Variants in CDH8 observed in about 807,000 individuals in gnomAD.
The protein encoded by CDH8 is cadherin 8, also known as cadherin-8.
In CDH8, 17 loss-of-function variants were observed where a neutral mutation model predicts 68.1. The observed-to-expected ratio is 0.25, with a 90% CI of 0.17 to 0.37. The LOEUF is 0.37. Among genes scored for constraint, CDH8 ranks in the 10% least tolerant of loss-of-function variants. The probability of loss-of-function intolerance (pLI) is 1.00; values close to 1 mark genes in which losing one functional copy is unlikely to be tolerated. For synonymous variants in CDH8, 372 were observed against 365.1 expected (o/e 1.02, Z -0.21); for missense variants, 763 against 999.3 (o/e 0.76, Z 3.19).
At chr16:61,762,085 G>A (rs570019517) in intron 8 of CDH8, among the ~76,000 whole-genome samples, 1 of 152,248 alleles carries the variant, frequency 6.6e-6, no homozygotes, top group South Asian at 2.1e-4. Context: ...GGGAGGTGAG[G>A]CTCCGGAGGT....
intron 10 of CDH8, among the ~76,000 whole-genome samples, chr16:61,669,371 G>C (rs1963745641): frequency 6.6e-6 from 1 of 151,974 alleles, no homozygotes; most frequent in Non-Finnish European, 1.5e-5. Flanking sequence ...CCAGCATGCC[G>C]CAATACAGTG....
In CDH8 at chr16:61,954,995, G is replaced by T. The variant is rs956678042; in HGVS notation, c.253-53522C>A. Reference sequence around the variant, plus strand: ...CAGTAACCTTCTAAAGTGGGTATTGGATCCACTTCACAGATGTAGAAATGA... The same window carrying T: ...CAGTAACCTTCTAAAGTGGGTATTGTATCCACTTCACAGATGTAGAAATGA... On this transcript the variant is annotated intron_variant, in intron 2 of 11. Transcript: ENST00000577390. Among the ~76,000 whole-genome samples, 7 of 152,258 alleles carry T rather than the reference G, an allele frequency of 4.6e-5. No individual in the cohort carries two copies. The South Asian group carries it at 1.5e-3, about 32-fold the overall frequency.
At chr16:61,781,633 T>C (rs747078381) in intron 8 of CDH8, among the ~76,000 whole-genome samples, 2 of 152,168 alleles carry the variant, frequency 1.3e-5, no homozygotes, top group African/African-American at 2.4e-5. Context: ...CTCTACTAGA[T>C]TGTTTTCAGT....
intron 3 of CDH8, among the ~76,000 whole-genome samples, chr16:61,879,387 A>G (rs1963526531): frequency 6.6e-6 from 1 of 152,234 alleles, no homozygotes; most frequent in South Asian, 2.1e-4. Flanking sequence ...CTGAAGACAC[A>G]TATCATGTAA....
intron 1 of CDH8, 78 bp from the exon 2 acceptor site, chr16:62,021,680 C>A: frequency 1.3e-6 from 1 of 768,278 alleles, no homozygotes; most frequent in Non-Finnish European, 1.8e-6. Context: ...TTCAAAAGCA[C>A]CTGAAGTGAA....
chr16:61,879,493 A>C (rs1471951547), intron 3 of CDH8, among the ~76,000 whole-genome samples: 1 of 152,180 alleles, frequency 6.6e-6, no homozygotes, highest in Admixed American at 6.5e-5. Context: ...CAAAATAGTC[A>C]TGTAAGACCC....
intron 1 of CDH8, among the ~76,000 whole-genome samples, chr16:62,032,467 C>G (rs1902350451): frequency 6.6e-6 from 1 of 152,114 alleles, no homozygotes; most frequent in African/African-American, 2.4e-5. Context: ...AATTAAAAAG[C>G]AAAGTTAGAC....
chr16:61,909,083 C>G (rs1053215397), intron 2 of CDH8, among the ~76,000 whole-genome samples: 3 of 151,982 alleles, frequency 2.0e-5, no homozygotes, highest in Admixed American at 2.0e-4. Flanking sequence ...CTGGAAATAA[C>G]CTCTGCTCTA....
chr16:61,880,028 C>T (rs1044538088), intron 3 of CDH8, among the ~76,000 whole-genome samples: 13 of 151,862 alleles, frequency 8.6e-5, no homozygotes, highest in Admixed American at 1.3e-4. Flanking sequence ...TGGGTTCAAG[C>T]GATTATCCTG....
At chr16:61,736,290 A>G (rs1219305125) in intron 8 of CDH8, among the ~76,000 whole-genome samples, 2 of 152,146 alleles carry the variant, frequency 1.3e-5, no homozygotes, top group African/African-American at 4.8e-5. Flanking sequence ...GATAAGGCCA[A>G]TGGTGATATT....
At chr16:61,790,290 C>A (rs1047810375) in intron 7 of CDH8, among the ~76,000 whole-genome samples, 1 of 151,904 alleles carries the variant, frequency 6.6e-6, no homozygotes, top group Non-Finnish European at 1.5e-5. Context: ...AGTATCAAGA[C>A]AAAGAAAAGA....
intron 1 of CDH8, among the ~76,000 whole-genome samples, chr16:62,026,393 T>G (rs1445538569): frequency 6.6e-6 from 1 of 152,212 alleles, no homozygotes; most frequent in Non-Finnish European, 1.5e-5. Flanking sequence ...TGCTACTTAC[T>G]GATTTGAAAA....
At chr16:61,919,883 T>C (rs976463070) in intron 2 of CDH8, among the ~76,000 whole-genome samples, 1 of 152,182 alleles carries the variant, frequency 6.6e-6, no homozygotes, top group Non-Finnish European at 1.5e-5. Flanking sequence ...CAAAACAGCA[T>C]GGTACTGGTA....
At chr16:61,853,494 G>T (rs1046088960) in intron 4 of CDH8, among the ~76,000 whole-genome samples, 2 of 152,184 alleles carry the variant, frequency 1.3e-5, no homozygotes, top group Admixed American at 1.3e-4. Flanking sequence ...TCACAATATC[G>T]ATCATTTTAG....
At chr16:62,032,056 A>C (rs542851485) in intron 1 of CDH8, 5 of 152,236 alleles carry the variant, frequency 3.3e-5, no homozygotes, top group Non-Finnish European at 7.3e-5. Context: ...CCTTTGGTTA[A>C]TTAAGCCCTG....
chr16:61,831,651 G>A (rs1284374419), intron 4 of CDH8, among the ~76,000 whole-genome samples: 3 of 151,646 alleles, frequency 2.0e-5, no homozygotes, highest in East Asian at 1.9e-4. Context: ...TTTTGTATCC[G>A]TCACGAAGAT....
chr16:61,797,124 T>C (rs914524015), intron 7 of CDH8, among the ~76,000 whole-genome samples: 8 of 152,042 alleles, frequency 5.3e-5, no homozygotes, highest in African/African-American at 1.4e-4. Context: ...AGATTTTTTG[T>C]TGCTAACATA....
chr16:61,710,400 A>G (rs1964609859), intron 10 of CDH8, among the ~76,000 whole-genome samples: 1 of 152,120 alleles, frequency 6.6e-6, no homozygotes, highest in Non-Finnish European at 1.5e-5. Context: ...AACACGAGGC[A>G]TGTTTATTCC....
intron 2 of CDH8, among the ~76,000 whole-genome samples, chr16:61,909,455 T>C (rs1433934286): frequency 6.6e-6 from 1 of 152,204 alleles, no homozygotes; most frequent in Non-Finnish European, 1.5e-5. Flanking sequence ...GACTAACTTT[T>C]TGTCTCCATA....
Sources: gnomAD v4.1 joint callset for allele counts (sites outside exome capture counted in the v4.1 genomes callset) on GRCh38, gnomAD v4.1.1 for gene constraint, MANE v1.5 for transcripts, NCBI Gene and HGNC (gene_info 2026-07-23, HGNC 2026-07-21) for gene names.